Variants in CPNE5 observed in about 807,000 individuals in gnomAD.
CPNE5 encodes copine 5.
In CPNE5, 42 loss-of-function variants were observed where a neutral mutation model predicts 81.1. That is an observed-to-expected ratio of 0.52 (90% confidence interval 0.40 to 0.67). CPNE5 has a LOEUF of 0.67. Ranked by LOEUF, CPNE5 falls within the 30% of genes least tolerant of loss-of-function variation. The probability of loss-of-function intolerance (pLI) is 0.00; values close to 1 mark genes in which losing one functional copy is unlikely to be tolerated. For synonymous variants in CPNE5, 313 were observed against 321.5 expected, an observed-to-expected ratio of 0.97 and a Z score of 0.28; for missense variants, 612 against 815.5, an observed-to-expected ratio of 0.75 and a Z score of 3.04.
At position 36,746,691 on chromosome 6, in the gene CPNE5, CCTCT is replaced by C. The variant is rs969385223; in HGVS notation, c.1019-118_1019-115del. The stretch of plus-strand genomic sequence containing the variant: ...CCCTAACTTTTATTAATTCTTGACT[CCTCT>C]CTTTCTCTCATACCCCATGTTAAAT... On this transcript the variant is annotated intron_variant, in intron 15 of 20. Transcript: ENST00000244751. This position sits in a 1 kb window ranked among gnomAD's most constrained non-coding sequence, Gnocchi z 4.5. 69 of 885,962 alleles carry C rather than the reference CCTCT, an allele frequency of 7.8e-5. No individual in the cohort carries two copies. The African/African-American group carries it at 9.5e-4, about 12-fold the overall frequency. The allele number at this position is 885,962 out of a possible 1,614,324, so 54.9% of individuals were successfully genotyped here. A position where few individuals can be genotyped will look rare whatever the true frequency, so the allele number is the denominator to read the frequency against.
chr6:36,770,204 T>C lies in CPNE5; in HGVS notation c.737+4757A>G, dbSNP rs2150436176. The stretch of plus-strand genomic sequence containing the variant: ...CACTCAGGTTTGGCCTTGTGTGGAC[T>C]GGACACATAGCAAAGGCAGGGAGAC... On this transcript the variant is annotated intron_variant, in intron 10 of 20. Coordinates refer to ENST00000244751, the MANE Select transcript of CPNE5 (RefSeq NM_020939.2). Among the ~76,000 whole-genome samples, 5 of 152,246 alleles carry C rather than the reference T, an allele frequency of 3.3e-5. 1 individual carries two copies. In the South Asian group the frequency reaches 1.0e-3, roughly 32 times the overall value.
chr6:36,835,996 G>T (rs1773468056), intron 1 of CPNE5, among the ~76,000 whole-genome samples: 1 of 152,144 alleles, frequency 6.6e-6, no homozygotes, highest in Non-Finnish European at 1.5e-5. Context: ...TACAGATGGG[G>T]AAACTGAGGC....
At chr6:36,823,262 A>G (rs1457784838) in intron 1 of CPNE5, among the ~76,000 whole-genome samples, 164 bp from the exon 2 acceptor site, 2 of 152,026 alleles carry the variant, frequency 1.3e-5, no homozygotes, top group Admixed American at 1.3e-4. Context: ...GGCACTGGGC[A>G]GGCCCTGGAG....
chr6:36,824,932 ACAG>A (rs1430028027), intron 1 of CPNE5, among the ~76,000 whole-genome samples: 1 of 152,146 alleles, frequency 6.6e-6, no homozygotes, highest in Non-Finnish European at 1.5e-5. Context: ...TTTCAAAACA[ACAG>A]CAGCAGCAAC....
intron 19 of CPNE5, 97 bp downstream of exon 19, chr6:36,744,171 T>C: frequency 9.6e-7 from 1 of 1,038,194 alleles, no homozygotes; most frequent in Non-Finnish European, 1.5e-6. Context: ...GGAGGGGTCA[T>C]TCCCAGGGGA....
chr6:36,782,873 C>T (rs1376142232), intron 8 of CPNE5, among the ~76,000 whole-genome samples: 5 of 123,604 alleles, frequency 4.0e-5, no homozygotes, highest in Admixed American at 7.7e-5. Flanking sequence ...ACACACAAAA[C>T]GGCACAAAGG....
In CPNE5 at chr6:36,746,582, AAC is replaced by A. The variant is rs766867621; in HGVS notation, c.1019-7_1019-6del. 2 of 1,608,960 alleles carry A rather than the reference AAC, an allele frequency of 1.2e-6. No individual in the cohort carries two copies. The highest frequency in any genetic ancestry group is 1.7e-6 in the Non-Finnish European group (2 of 1,177,930). ...ATGTGGACTGTGAGGGGTTCCCTGTAACACAGGACATGGGAGCCTTTGACCAT... is the reference window on the plus strand; with the variant it reads ...ATGTGGACTGTGAGGGGTTCCCTGTAACAGGACATGGGAGCCTTTGACCAT... On this transcript the variant is annotated splice_region_variant and splice_polypyrimidine_tract_variant and intron_variant, in intron 15 of 20. Coordinates refer to ENST00000244751, the MANE Select transcript of CPNE5 (RefSeq NM_020939.2). The surrounding 1 kb of genome is among the most constrained non-coding windows in gnomAD (Gnocchi z 4.5).
intron 11 of CPNE5, among the ~76,000 whole-genome samples, chr6:36,763,303 G>T (rs1308057438): frequency 6.6e-6 from 1 of 152,026 alleles, no homozygotes; most frequent in East Asian, 1.9e-4. Context: ...AATAGTGAAT[G>T]GTATTTAAAA....
At chr6:36,781,058 T>TTTAGAA (rs1767997221) in intron 8 of CPNE5, among the ~76,000 whole-genome samples, 1 of 152,216 alleles carries the variant, frequency 6.6e-6, no homozygotes, top group African/African-American at 2.4e-5. Flanking sequence ...GGCTGATTTC[T>TTTAGAA]TCAGACTCTG....
At chr6:36,745,022 TC>T (rs750726061) in intron 18 of CPNE5, 25 bp downstream of exon 18, 2 of 1,543,588 alleles carry the variant, frequency 1.3e-6, no homozygotes, top group Non-Finnish European at 1.8e-6. Context: ...TCAAACCGCC[TC>T]CCCCACCGCA....
intron 11 of CPNE5, 145 bp downstream of exon 11, chr6:36,765,190 C>A (rs528519307): frequency 4.0e-6 from 3 of 754,834 alleles, no homozygotes; most frequent in East Asian, 5.4e-5. Context: ...CTCCCCCACC[C>A]TCCACACACA....
At chr6:36,801,058 G>T (rs1770060330) in intron 3 of CPNE5, among the ~76,000 whole-genome samples, 1 of 152,236 alleles carries the variant, frequency 6.6e-6, no homozygotes, top group African/African-American at 2.4e-5. Context: ...ATTCCTGCCT[G>T]CTGTTTAAAC....
intron 9 of CPNE5, among the ~76,000 whole-genome samples, chr6:36,776,293 C>A (rs149429506): frequency 7.8e-4 from 119 of 152,362 alleles, no homozygotes; most frequent in African/African-American, 2.7e-3. Context: ...CAGCCGGTGT[C>A]ATTTCTTCTT....
At chr6:36,750,369 C>T (rs1413645463) in intron 14 of CPNE5, among the ~76,000 whole-genome samples, 5 of 152,188 alleles carry the variant, frequency 3.3e-5, no homozygotes, top group Non-Finnish European at 5.9e-5. Flanking sequence ...ATGTCAAGGA[C>T]ATGGTTAGCA....
chr6:36,826,500 C>T (rs1161954400), intron 1 of CPNE5, among the ~76,000 whole-genome samples: 1 of 152,246 alleles, frequency 6.6e-6, no homozygotes. Context: ...CTCCCCTGAG[C>T]TCTCTCTGGC....
At chr6:36,825,512 A>G in intron 1 of CPNE5, among the ~76,000 whole-genome samples, 1 of 152,246 alleles carries the variant, frequency 6.6e-6, no homozygotes, top group East Asian at 1.9e-4. Context: ...TCTCCTGGCC[A>G]CCACTGGCCC....
At chr6:36,747,384 T>A (rs59374189) in intron 15 of CPNE5, among the ~76,000 whole-genome samples, 24,076 of 152,196 alleles carry the variant, frequency 0.16, 1,958 homozygotes, top group South Asian at 0.23. Context: ...TGATCTTGGG[T>A]AAGTTCCTTA....
In CPNE5 at chr6:36,762,857, A is replaced by G. The variant is rs1298555939; in HGVS notation, c.855+60T>C. ...CCCAGCCCAGTGCATGGCTCACTAC[A>G]GTCCTCAGTGACTGGGCCACTTAGT... is the stretch of plus-strand genomic sequence containing the variant. On this transcript the variant is annotated intron_variant, in intron 12 of 20. Coordinates refer to ENST00000244751, the MANE Select transcript of CPNE5 (RefSeq NM_020939.2). 3.7e-6 allele frequency: 5 copies of G among 1,342,416 alleles called. No individual in the cohort carries two copies. In the African/African-American group the frequency reaches 7.2e-5, roughly 19 times the overall value. The allele number at this position is 1,342,416 out of a possible 1,614,324, so 83.2% of individuals were successfully genotyped here. A position where few individuals can be genotyped will look rare whatever the true frequency, so the allele number is the denominator to read the frequency against.
intron 12 of CPNE5, among the ~76,000 whole-genome samples, chr6:36,758,899 G>A (rs999517932): frequency 6.6e-6 from 1 of 152,194 alleles, no homozygotes; most frequent in African/African-American, 2.4e-5. Flanking sequence ...ACTGGAGGAC[G>A]CCCCCTCCAC....
Sources: gnomAD v4.1 joint callset for allele counts (sites outside exome capture counted in the v4.1 genomes callset) on GRCh38, gnomAD v4.1.1 for gene constraint, Gnocchi (gnomAD v3.1) non-coding constraint, MANE v1.5 for transcripts, NCBI Gene and HGNC (gene_info 2026-07-23, HGNC 2026-07-21) for gene names.